Variants in DCDC2 observed in about 807,000 individuals in gnomAD.
The protein encoded by DCDC2 is doublecortin domain containing 2.
In DCDC2, 40 loss-of-function variants were observed where a neutral mutation model predicts 50.2. The observed-to-expected ratio is 0.80, with a 90% CI of 0.62 to 1.04. DCDC2 has a LOEUF of 1.04. DCDC2 is among the 50% of genes least tolerant of loss of function. The probability of loss-of-function intolerance (pLI) is 0.00; values close to 1 mark genes in which losing one functional copy is unlikely to be tolerated. For synonymous variants in DCDC2, 234 were observed against 210.6 expected, an observed-to-expected ratio of 1.11 and a Z score of -0.96; for missense variants, 570 against 581.9, an observed-to-expected ratio of 0.98 and a Z score of 0.21.
At chr6:24,354,411 AACT>A (rs1348055103) in intron 1 of DCDC2, among the ~76,000 whole-genome samples, 1 of 152,154 alleles carries the variant, frequency 6.6e-6, no homozygotes, top group Non-Finnish European at 1.5e-5. Context: ...CCTTTACCCC[AACT>A]ACTACAATTG....
At chr6:24,359,585 A>T (rs1307379764), upstream of DCDC2, among the ~76,000 whole-genome samples, 2 of 116,814 alleles carry the variant, frequency 1.7e-5, no homozygotes, top group Non-Finnish European at 3.3e-5. Flanking sequence ...TTTTATATAT[A>T]TTATATATAT....
intron 5 of DCDC2, among the ~76,000 whole-genome samples, chr6:24,290,272 C>T (rs1215949533): frequency 6.6e-6 from 1 of 151,726 alleles, no homozygotes; most frequent in African/African-American, 2.4e-5. Flanking sequence ...GGATTACAGG[C>T]GTGAGCCACC....
chr6:24,362,213 T>G (rs956273286), upstream of DCDC2, among the ~76,000 whole-genome samples: 3 of 150,944 alleles, frequency 2.0e-5, no homozygotes, highest in African/African-American at 7.3e-5. Flanking sequence ...TATTTTTTAT[T>G]TAATTGCATA....
intron 8 of DCDC2, among the ~76,000 whole-genome samples, chr6:24,197,106 AT>A (rs1761461041): frequency 6.7e-6 from 1 of 149,766 alleles, no homozygotes; most frequent in Non-Finnish European, 1.5e-5. Context: ...CTTCAAGCAC[AT>A]ACCAATTTGT....
At chr6:24,268,509 A>G (rs931275532) in intron 7 of DCDC2, among the ~76,000 whole-genome samples, 1 of 152,064 alleles carries the variant, frequency 6.6e-6, no homozygotes, top group Non-Finnish European at 1.5e-5. Flanking sequence ...CAAACATACA[A>G]AAAGTGCGTG....
the DCDC2 span, among the ~76,000 whole-genome samples, chr6:24,373,325 A>G: frequency 6.6e-6 from 1 of 152,246 alleles, no homozygotes; most frequent in Non-Finnish European, 1.5e-5. Context: ...ATGGAAAAAA[A>G]CAATCCTGAT....
intron 4 of DCDC2, among the ~76,000 whole-genome samples, chr6:24,291,882 AC>A (rs1763760235): frequency 6.6e-6 from 1 of 152,244 alleles, no homozygotes; most frequent in South Asian, 2.1e-4. Flanking sequence ...CCAAAATATT[AC>A]ATACAAACAC....
intron 2 of DCDC2, among the ~76,000 whole-genome samples, chr6:24,351,731 A>C (rs532123586): frequency 1.3e-5 from 2 of 152,340 alleles, no homozygotes; most frequent in South Asian, 2.1e-4. Flanking sequence ...AAAGAGAAAC[A>C]ATGGTTACTG....
intron 7 of DCDC2, among the ~76,000 whole-genome samples, chr6:24,221,214 T>G (rs973850490): frequency 2.6e-5 from 4 of 152,192 alleles, no homozygotes; most frequent in African/African-American, 9.7e-5. Flanking sequence ...GTGTCATAAC[T>G]AAACTCCTCT....
At chr6:24,205,560 G>A (rs917078958) in intron 7 of DCDC2, among the ~76,000 whole-genome samples, 2 of 133,260 alleles carry the variant, frequency 1.5e-5, no homozygotes, top group Non-Finnish European at 3.5e-5. Flanking sequence ...TCTATTCAGA[G>A]TATTATAAAA....
At chr6:24,258,233 C>A (rs1316865251) in intron 7 of DCDC2, among the ~76,000 whole-genome samples, 1 of 152,150 alleles carries the variant, frequency 6.6e-6, no homozygotes, top group African/African-American at 2.4e-5. Context: ...CCTTCCACAG[C>A]GTGCAAGTGG....
chr6:24,254,978 A>G (rs921288363), intron 7 of DCDC2, among the ~76,000 whole-genome samples: 1 of 152,172 alleles, frequency 6.6e-6, no homozygotes, highest in Non-Finnish European at 1.5e-5. Context: ...TCTAAAATGT[A>G]TATGAAATAA....
intron 8 of DCDC2, among the ~76,000 whole-genome samples, chr6:24,200,448 G>A (rs984600579): frequency 6.6e-5 from 10 of 152,178 alleles, no homozygotes; most frequent in South Asian, 4.2e-4. Flanking sequence ...CTTTACAGGC[G>A]AGTAAATCCT....
At chr6:24,196,064 C>G (rs1209658060) in intron 8 of DCDC2, among the ~76,000 whole-genome samples, 1 of 152,176 alleles carries the variant, frequency 6.6e-6, no homozygotes, top group Non-Finnish European at 1.5e-5. Flanking sequence ...CAACACAGAT[C>G]ATTTAGATGA....
chr6:24,232,982 A>G (rs185409291), intron 7 of DCDC2, among the ~76,000 whole-genome samples: 23 of 152,274 alleles, frequency 1.5e-4, no homozygotes, highest in Admixed American at 2.6e-4. Flanking sequence ...CATGATAGGC[A>G]ATGGCCATTT....
intron 7 of DCDC2, among the ~76,000 whole-genome samples, chr6:24,215,213 C>T (rs1581591234): frequency 2.6e-5 from 4 of 152,264 alleles, no homozygotes; most frequent in Admixed American, 2.6e-4. Context: ...GGAAGGCACT[C>T]TGGACAGAAG....
intron 7 of DCDC2, among the ~76,000 whole-genome samples, chr6:24,231,339 T>C (rs1762332698): frequency 6.6e-6 from 1 of 152,188 alleles, no homozygotes; most frequent in Admixed American, 6.5e-5. Context: ...TACCATTATA[T>C]GCAGGATGTG....
chr6:24,372,439 T>G, the DCDC2 span, among the ~76,000 whole-genome samples: 1 of 150,522 alleles, frequency 6.6e-6, no homozygotes, highest in Admixed American at 6.6e-5. Context: ...AAGGTGTAAA[T>G]CATGCTGCTA....
At chr6:24,306,533 G>A (rs927206533) in intron 2 of DCDC2, among the ~76,000 whole-genome samples, 1 of 144,692 alleles carries the variant, frequency 6.9e-6, no homozygotes, top group South Asian at 2.2e-4. Flanking sequence ...TAGATAGATA[G>A]ATAGATAGAT....
Sources: allele counts gnomAD v4.1 joint callset (sites outside exome capture counted in the v4.1 genomes callset), GRCh38; gene constraint gnomAD v4.1.1; transcripts MANE v1.5; gene names NCBI Gene and HGNC (gene_info 2026-07-23, HGNC 2026-07-21).